Variants in POLR1E observed in about 807,000 individuals in gnomAD.
The protein encoded by POLR1E is DNA-directed RNA polymerase I subunit RPA49.
In POLR1E, 37 loss-of-function variants were observed where a neutral mutation model predicts 50.9. The ratio of observed to expected loss-of-function variants is 0.73; its 90% confidence interval spans 0.56 to 0.96. The LOEUF is 0.96. Among genes scored for constraint, POLR1E ranks in the 40% least tolerant of loss-of-function variants. The pLI, the probability that POLR1E is intolerant of heterozygous loss-of-function variation, is 0.00. For missense variants in POLR1E, 426 were observed against 518.1 expected, an observed-to-expected ratio of 0.82 and a Z score of 1.73; for synonymous variants, 166 against 191.6, an observed-to-expected ratio of 0.87 and a Z score of 1.10.
chr9:37,495,486 T>G (rs1017754024), intron 7 of POLR1E, among the ~76,000 whole-genome samples: 2 of 152,146 alleles, frequency 1.3e-5, no homozygotes, highest in African/African-American at 2.4e-5. Flanking sequence ...AATCCATTCC[T>G]CAGCAAAATG....
intron 2 of POLR1E, 143 bp downstream of exon 2, chr9:37,486,949 G>GTCCCCACATCCCA: frequency 4.1e-6 from 4 of 967,696 alleles, no homozygotes; most frequent in Non-Finnish European, 6.0e-6. Flanking sequence ...CCAGCAGCCT[G>GTCCCCACATCCCA]GGATGTGGGG....
intron 1 of POLR1E, 81 bp downstream of exon 1, chr9:37,486,204 C>G: frequency 1.4e-6 from 2 of 1,466,036 alleles, no homozygotes; most frequent in Admixed American, 2.4e-5. Flanking sequence ...TCTCGCCCTC[C>G]GTTGGGCTTC....
chr9:37,495,696 C>T (rs139192482), intron 7 of POLR1E, among the ~76,000 whole-genome samples, 194 bp from the exon 8 acceptor site: 1 of 152,264 alleles, frequency 6.6e-6, no homozygotes, highest in East Asian at 1.9e-4. Context: ...AGCAGAAAAG[C>T]CTGGGCAGGG....
chr9:37,490,485 A>T, intron 4 of POLR1E: 1 of 882,700 alleles, frequency 1.1e-6, no homozygotes, highest in South Asian at 1.3e-5. Flanking sequence ...GGTTCTCACC[A>T]AGTGTGCTTC....
Position 37,489,400 on chromosome 9 carries a change from G to A in POLR1E, c.343G>A (p.Asp115Asn), listed in dbSNP as rs1820639803. 6.3e-7 allele frequency: 1 copy of A among 1,587,444 alleles called. No individual in the cohort carries two copies. Residue 115 changes from aspartate (D) to asparagine (N), a missense_variant and splice_region_variant, in exon 4 of 12, where the codon GAT becomes AAT. By Grantham distance (23) the Asp-to-Asn change is conservative (BLOSUM62 1). Coordinates refer to ENST00000377798, the MANE Select transcript of POLR1E (RefSeq NM_022490.4). ...GTTCAACATGCAGCCACTATTTTCA[G>A]GTAGGTCCCAGTCATGAAAGCTGAC... Reference protein sequence around the residue: ...ELFNMQPLFSDVSVESELALE... With the variant: ...ELFNMQPLFSNVSVESELALE...
Position 37,495,197 on chromosome 9 carries a change from C to A in POLR1E, c.576C>A (p.Asp192Glu). 6.2e-7 allele frequency: 1 copy of A among 1,614,154 alleles called. No individual in the cohort carries two copies. The highest frequency in any genetic ancestry group is 1.1e-5 in the South Asian group (1 of 91,088). Residue 192 changes from aspartate (D) to glutamate (E), a missense_variant, in exon 7 of 12, where the codon GAC (aspartate) becomes GAA (glutamate). By Grantham distance (45) the Asp-to-Glu change is conservative. Coordinates refer to ENST00000377798, the MANE Select transcript of POLR1E (RefSeq NM_022490.4). Reference sequence around the variant, plus strand: ...TGGTCAGCGATGCTATCCACAATGACTTGCAAGATGACTCCCTCTACCTTC... The same window carrying A: ...TGGTCAGCGATGCTATCCACAATGAATTGCAAGATGACTCCCTCTACCTTC... ...TALVSDAIHNDLQDDSLYLPP... is the reference protein window; with the variant it reads ...TALVSDAIHNELQDDSLYLPP...
chr9:37,488,015 G>C (rs1419737769), intron 3 of POLR1E, 76 bp downstream of exon 3: 7 of 1,465,852 alleles, frequency 4.8e-6, no homozygotes, highest in East Asian at 2.3e-5. Context: ...GCTGTTTCCT[G>C]TCTGTTTTAA....
Position 37,487,946 on chromosome 9 carries a change from G to T in POLR1E, c.257+7G>T, listed in dbSNP as rs1820608486. The T allele has an allele frequency of 3.7e-6, 6 of 1,613,688 alleles. No individual in the cohort carries two copies. The highest frequency in any genetic ancestry group is 5.1e-6 in the Non-Finnish European group (6 of 1,179,844). On this transcript the variant is annotated splice_region_variant and intron_variant, in intron 3 of 11. Coordinates refer to ENST00000377798, the MANE Select transcript of POLR1E (RefSeq NM_022490.4). Reference sequence around the variant, plus strand: ...AATGCAACACTTTGTGCAGGTAATGGCAGGGGAAGGGACAGTGGGAAGGGT... The same window carrying T: ...AATGCAACACTTTGTGCAGGTAATGTCAGGGGAAGGGACAGTGGGAAGGGT...
chr9:37,496,619 A>ATTTT (rs1229748702), intron 8 of POLR1E, among the ~76,000 whole-genome samples: 1 of 51,232 alleles, frequency 2.0e-5, no homozygotes, highest in African/African-American at 7.7e-5. Context: ...TATTATTATT[A>ATTTT]TTTCTTTTTT....
At chr9:37,496,950 T>A (rs960181753) in intron 8 of POLR1E, among the ~76,000 whole-genome samples, 1 of 152,238 alleles carries the variant, frequency 6.6e-6, no homozygotes, top group Admixed American at 6.5e-5. Context: ...AGCACTGTTC[T>A]AAGAGCTTTA....
Position 37,485,952 on chromosome 9 carries a change from T to C in POLR1E, c.-96T>C, listed in dbSNP as rs1820560969. The stretch of plus-strand genomic sequence containing the variant: ...CGGTGCCCGGCGGGGCCACGCCTTT[T>C]CCGGCCCGCAGCGCGGCCTGGGCTC... On this transcript the variant is annotated 5_prime_UTR_variant, in exon 1 of 12. Coordinates refer to ENST00000377798, the MANE Select transcript of POLR1E (RefSeq NM_022490.4). 6 of 1,490,580 alleles carry C rather than the reference T, an allele frequency of 4.0e-6. No individual in the cohort carries two copies. Among genetic ancestry groups the C allele is most frequent in the Non-Finnish European group, 4.6e-6 (5 of 1,095,488 alleles). 92.3% of individuals were successfully genotyped at this position (1,490,580 alleles called of 1,614,324 possible).
At chr9:37,496,188 C>T (rs753149934) in intron 8 of POLR1E, among the ~76,000 whole-genome samples, 1 of 152,052 alleles carries the variant, frequency 6.6e-6, no homozygotes, top group Non-Finnish European at 1.5e-5. Context: ...GTCTCTGAGT[C>T]CGTGGGACCT....
intron 6 of POLR1E, 80 bp downstream of exon 6, chr9:37,493,783 C>A: frequency 7.4e-7 from 1 of 1,356,854 alleles, no homozygotes; most frequent in Non-Finnish European, 9.7e-7. Flanking sequence ...CCCACCCACA[C>A]ATGGAATGCT....
rs778817763 is a variant in POLR1E at position 37,493,700 on chromosome 9, A to G, written c.544A>G (p.Thr182Ala). Reference protein sequence around the residue: ...AETIIDTKGVTALVSDAIHND... With the variant: ...AETIIDTKGVAALVSDAIHND... Reference sequence around the variant, plus strand: ...GACTATCATTGATACGAAGGGTGTGACTGGTAAGAAGTTGGAACTTGGGCT... The same window carrying G: ...GACTATCATTGATACGAAGGGTGTGGCTGGTAAGAAGTTGGAACTTGGGCT... The change falls in exon 6 of 12, where the codon ACT becomes GCT. Residue 182 changes from threonine (T) to alanine (A), a missense_variant. Physicochemically the swap from Thr to Ala is moderately conservative, Grantham distance 58 (BLOSUM62 0). Coordinates refer to ENST00000377798, the MANE Select transcript of POLR1E (RefSeq NM_022490.4). 6.5e-7 allele frequency: 1 copy of G among 1,538,494 alleles called. No homozygotes were observed. The highest frequency in any genetic ancestry group is 8.8e-7 in the Non-Finnish European group (1 of 1,137,000).
chr9:37,496,533 G>A (rs1420460955), intron 8 of POLR1E, among the ~76,000 whole-genome samples: 1 of 149,708 alleles, frequency 6.7e-6, no homozygotes, highest in African/African-American at 2.5e-5. Flanking sequence ...TTGATAAAGA[G>A]TTGTCAATCT....
chr9:37,496,051 CTG>C (rs1282581031), intron 8 of POLR1E, 65 bp downstream of exon 8: 155 of 1,176,272 alleles, frequency 1.3e-4, no homozygotes, highest in Non-Finnish European at 8.4e-5. Context: ...TAGTCAGACA[CTG>C]TGCAGGTCCT....
At chr9:37,492,606 T>C (rs1410770754) in intron 4 of POLR1E, 51 bp from the exon 5 acceptor site, 1 of 1,506,312 alleles carries the variant, frequency 6.6e-7, no homozygotes, top group South Asian at 1.1e-5. Context: ...TTACTATTTG[T>C]AGGCCTCCCA....
At chr9:37,492,468 C>A (rs1423479276) in intron 4 of POLR1E, 189 bp from the exon 5 acceptor site, 5 of 842,552 alleles carry the variant, frequency 5.9e-6, no homozygotes, top group Non-Finnish European at 9.3e-6. Flanking sequence ...ATTTATTTTC[C>A]AAGTTCTTTA....
At position 37,489,324 on chromosome 9, in the gene POLR1E, G is replaced by A; in HGVS notation, c.267G>A (p.Val89=). 6.3e-7 allele frequency: 1 copy of A among 1,597,208 alleles called. No individual in the cohort carries two copies. Residue 89 remains valine (V), a synonymous_variant, in exon 4 of 12, where the codon GTG becomes GTA. Coordinates refer to ENST00000377798, the MANE Select transcript of POLR1E (RefSeq NM_022490.4). ...TTTCTTCTTTATTCAGGCACTTTGT[G>A]GGAATTTTGAACAAGACCTCTGGCC... ...LKCNTLCRHF[V]GILNKTSGQM...
Sources: allele counts gnomAD v4.1 joint callset (sites outside exome capture counted in the v4.1 genomes callset), GRCh38; gene constraint gnomAD v4.1.1; transcripts MANE v1.5; gene names NCBI Gene and HGNC (gene_info 2026-07-23, HGNC 2026-07-21).